RBM10: variants seen among roughly 807,000 people sequenced by gnomAD.
The protein encoded by RBM10 is RNA binding motif protein 10.
A neutral mutation model predicts 84.9 loss-of-function variants in RBM10; 1 was observed. That is an observed-to-expected ratio of 0.01 (90% CI 0.00 to 0.06). The LOEUF (loss-of-function observed/expected upper bound fraction) is 0.06, where lower values mean the gene tolerates loss of function less well. RBM10 is among the 10% of genes least tolerant of loss of function. The pLI is 1.00. For missense variants in RBM10, 438 were observed against 839.0 expected, an observed-to-expected ratio of 0.52 and a Z score of 5.90; for synonymous variants, 326 against 344.5, an observed-to-expected ratio of 0.95 and a Z score of 0.60.
chrX:47,162,398 A>G (rs1556767027), intron 2 of RBM10, among the ~76,000 whole-genome samples: 1 of 112,367 alleles, frequency 8.9e-6, no homozygotes, highest in African/African-American at 3.2e-5. Context: ...TAGATTAAAA[A>G]TGTTCTATCA....
intron 2 of RBM10, 139 bp downstream of exon 2, chrX:47,147,637 G>A: frequency 2.5e-6 from 2 of 787,371 alleles, no homozygotes; most frequent in Admixed American, 5.3e-5. Context: ...GCAGACAGGT[G>A]TTTGGCACCT....
chrX:47,161,774 C>T (rs1016867903), intron 2 of RBM10, among the ~76,000 whole-genome samples: 2 of 110,742 alleles, frequency 1.8e-5, no homozygotes, highest in Non-Finnish European at 3.8e-5. Flanking sequence ...TCGAGCGATC[C>T]GCCCACCTCA....
intron 21 of RBM10, 28 bp from the exon 22 acceptor site, chrX:47,186,037 A>G (rs2147222109): frequency 5.0e-6 from 6 of 1,204,875 alleles, no homozygotes; most frequent in Non-Finnish European, 6.7e-6. Flanking sequence ...CAGCTCCCCA[A>G]CATTCACATA....
intron 7 of RBM10, among the ~76,000 whole-genome samples, chrX:47,178,686 G>T (rs782748168): frequency 8.9e-6 from 1 of 112,214 alleles, no homozygotes; most frequent in South Asian, 3.7e-4. Context: ...AAGAGGAGGG[G>T]TGCGGGTCTG....
At position 47,186,318 on chromosome X, in the gene RBM10, G is replaced by T. The variant is rs781810107; in HGVS notation, c.2598G>T (p.Leu866=). Residue 866 remains leucine, a synonymous_variant, in exon 23 of 24, where the codon CTG becomes CTT. Transcript: ENST00000377604. ...LGSDNIGSRM[L]QAMGWKEGSG... ...GTGACAACATTGGCAGTCGGATGCT[G>T]CAGGCCATGGGCTGGAAAGAGGGCA... 1 of 1,204,059 alleles carries T rather than the reference G, an allele frequency of 8.3e-7. No individual in the cohort carries two copies. The highest frequency in any genetic ancestry group is 1.1e-6 in the Non-Finnish European group (1 of 891,285).
chrX:47,153,048 G>A lies in RBM10; in HGVS notation c.17+5550G>A, dbSNP rs1206919194. Among the ~76,000 whole-genome samples, 3 of 110,413 alleles carry A rather than the reference G, an allele frequency of 2.7e-5. No homozygotes were observed. The Admixed American group carries it at 2.9e-4, about 11-fold the overall frequency. On this transcript the variant is annotated intron_variant, in intron 2 of 23. Coordinates refer to ENST00000377604, the MANE Select transcript of RBM10 (RefSeq NM_005676.5). ...TTTAGTAGAGACAGGATTTTTCCAT[G>A]TTGATCAGGCTGGTTTCAAACTCCC...
At chrX:47,180,345 C>G (rs782153118) in intron 11 of RBM10, 36 bp downstream of exon 11, 1 of 1,064,580 alleles carries the variant, frequency 9.4e-7, no homozygotes, top group East Asian at 3.2e-5. Flanking sequence ...CCACCCTTCC[C>G]CTCCCCACCC....
intron 6 of RBM10, among the ~76,000 whole-genome samples, chrX:47,175,649 A>T (rs1556775759): frequency 9.0e-6 from 1 of 110,769 alleles, no homozygotes; most frequent in African/African-American, 3.3e-5. Flanking sequence ...AGTTTTATCG[A>T]CACCCTGGCC....
At chrX:47,165,618 A>T (rs1473335631) in intron 2 of RBM10, among the ~76,000 whole-genome samples, 8 of 110,368 alleles carry the variant, frequency 7.2e-5, no homozygotes, top group Non-Finnish European at 1.5e-4. Context: ...CAGAAGTTCG[A>T]GACTGGCCTG....
At position 47,179,183 on chromosome X, in the gene RBM10, CGTGCTCTCCA is replaced by C. The variant is rs782177807; in HGVS notation, c.724+22_724+31del. The C allele has an allele frequency of 8.3e-7, 1 of 1,207,108 alleles. No homozygotes were observed. Among genetic ancestry groups the C allele is most frequent in the South Asian group, 1.8e-5 (1 of 55,950 alleles). ...AGTCAGGTGAGGCCCACCTACCTCT[CGTGCTCTCCA>C]GGGCGGAGCGGTTGGGGAGAAGGGA... On this transcript the variant is annotated intron_variant, in intron 8 of 23. Coordinates refer to ENST00000377604, the MANE Select transcript of RBM10 (RefSeq NM_005676.5).
chrX:47,178,158 C>T (rs1232540074), intron 7 of RBM10, among the ~76,000 whole-genome samples: 3 of 111,668 alleles, frequency 2.7e-5, no homozygotes, highest in African/African-American at 9.8e-5. Flanking sequence ...ACCCACGCCT[C>T]TCCTCCTCTG....
At chrX:47,157,936 C>T (rs1304871979) in intron 2 of RBM10, 1 of 232,987 alleles carries the variant, frequency 4.3e-6, no homozygotes, top group Non-Finnish European at 7.7e-6. Context: ...CTTGCCACTA[C>T]GGCTAGTTTT....
At chrX:47,160,902 C>A (rs963161874) in intron 2 of RBM10, among the ~76,000 whole-genome samples, 1 of 111,557 alleles carries the variant, frequency 9.0e-6, no homozygotes, top group African/African-American at 3.3e-5. Flanking sequence ...AAAGCAGTCA[C>A]GGACAATTTA....
chrX:47,182,852 A>G (rs1556780543), intron 17 of RBM10, among the ~76,000 whole-genome samples: 1 of 112,579 alleles, frequency 8.9e-6, no homozygotes, highest in Non-Finnish European at 1.9e-5. Flanking sequence ...ACATGGAAAT[A>G]TAGAATGTGG....
At chrX:47,185,825 G>A (rs1935866731) in intron 21 of RBM10, 35 bp downstream of exon 21, 1 of 1,202,862 alleles carries the variant, frequency 8.3e-7, no homozygotes, top group African/African-American at 1.7e-5. Flanking sequence ...TCCCTCCCCT[G>A]TGTCCCTTCC....
intron 2 of RBM10, among the ~76,000 whole-genome samples, chrX:47,152,084 T>C (rs918658320): frequency 5.4e-5 from 6 of 111,738 alleles, no homozygotes; most frequent in African/African-American, 2.0e-4. Flanking sequence ...TGGTGAAGCA[T>C]GTCTGTAATC....
chrX:47,154,545 A>G (rs1932939478), intron 2 of RBM10, among the ~76,000 whole-genome samples: 1 of 108,846 alleles, frequency 9.2e-6, no homozygotes, highest in African/African-American at 3.4e-5. Context: ...TCTGCTTTCC[A>G]GGCTCAGGGG....
intron 2 of RBM10, among the ~76,000 whole-genome samples, chrX:47,166,373 C>CA (rs1315978769): frequency 1.8e-5 from 2 of 111,914 alleles, no homozygotes; most frequent in Non-Finnish European, 3.8e-5. Context: ...CCACTGCACT[C>CA]AGCCTGGGCA....
intron 8 of RBM10, 66 bp from the exon 9 acceptor site, chrX:47,179,253 G>A (rs1935358985): frequency 1.7e-6 from 2 of 1,186,301 alleles, no homozygotes; most frequent in Admixed American, 2.4e-5. Flanking sequence ...CTTGGTATAG[G>A]GAGGAGGGTG....
Sources: allele counts gnomAD v4.1 joint callset (sites outside exome capture counted in the v4.1 genomes callset), GRCh38; gene constraint gnomAD v4.1.1; transcripts MANE v1.5; gene names NCBI Gene and HGNC (gene_info 2026-07-23, HGNC 2026-07-21).